PDGFRL: variants seen among roughly 807,000 people sequenced by gnomAD.
PDGFRL encodes platelet derived growth factor receptor like, also known as platelet-derived growth factor receptor-like protein.
A neutral mutation model predicts 37.2 loss-of-function variants in PDGFRL; 46 were observed. The ratio of observed to expected loss-of-function variants is 1.24; its 90% CI spans 0.98 to 1.58. PDGFRL has a LOEUF of 1.58. Among genes scored for constraint, PDGFRL ranks in the 40% most tolerant of loss-of-function variants. The probability of loss-of-function intolerance (pLI) is 0.00; values close to 1 mark genes in which losing one functional copy is unlikely to be tolerated. For synonymous variants in PDGFRL, 251 were observed against 184.3 expected (o/e 1.36, Z -2.93); for missense variants, 692 against 467.6 (o/e 1.48, Z -4.43).
At position 17,626,314 on chromosome 8, in the gene PDGFRL, A is replaced by T. The variant is rs1444032214; in HGVS notation, c.506-2173A>T. Among the ~76,000 whole-genome samples the T allele has an allele frequency of 2.0e-5, 3 of 152,238 alleles. No individual in the cohort carries two copies. The East Asian group carries it at 5.8e-4, about 29-fold the overall frequency. ...ACGTTGACAAAGGTACCCCTTACCT[A>T]AGCCTGAAAGCCAATTTCTTATGAA... On this transcript the variant is annotated intron_variant, in intron 3 of 5. Transcript: ENST00000251630.
intron 2 of PDGFRL, among the ~76,000 whole-genome samples, chr8:17,596,680 A>T (rs1804059659): frequency 1.3e-5 from 2 of 152,272 alleles, no homozygotes; most frequent in African/African-American, 4.8e-5. Context: ...CTCTTTGAAT[A>T]GTGTTCATTC....
intron 2 of PDGFRL, chr8:17,596,232 G>C: frequency 1.6e-6 from 1 of 609,796 alleles, no homozygotes; most frequent in East Asian, 3.5e-5. Context: ...ACTCTGACCG[G>C]GCTGGGGGTG....
At chr8:17,627,357 C>A (rs116299428) in intron 3 of PDGFRL, among the ~76,000 whole-genome samples, 2 of 152,198 alleles carry the variant, frequency 1.3e-5, no homozygotes, top group East Asian at 1.9e-4. Flanking sequence ...TTAAGTAATA[C>A]GTGTGTCATC....
Position 17,630,404 on chromosome 8 carries a change from C to A in PDGFRL, c.799+1624C>A, listed in dbSNP as rs547363498. ...TGCCATCCGTTCCATTGTGTTGAAT[C>A]CCCCTTTTCCTGAGGGTAGGGAGAT... On this transcript the variant is annotated intron_variant, in intron 4 of 5. Transcript: ENST00000251630. 3.9e-5 allele frequency among the ~76,000 whole-genome samples: 6 copies of A among 152,370 alleles called. No individual in the cohort carries two copies. In the South Asian group the frequency reaches 6.2e-4, roughly 16 times the overall value.
intron 4 of PDGFRL, among the ~76,000 whole-genome samples, chr8:17,632,953 A>C (rs116126416): frequency 6.6e-6 from 1 of 152,034 alleles, no homozygotes; most frequent in African/African-American, 2.4e-5. Context: ...AGACTGTTCT[A>C]TTCTGGCCTT....
At position 17,615,156 on chromosome 8, in the gene PDGFRL, T is replaced by A. The variant is rs577737578; in HGVS notation, c.354-5895T>A. Among the ~76,000 whole-genome samples the A allele has an allele frequency of 3.9e-5, 6 of 152,316 alleles. No homozygotes were observed. The South Asian group carries it at 1.2e-3, about 32-fold the overall frequency. ...TCCGTATTGCCAGTTATGAAGTCGA[T>A]GCTTAATAACTGATGGGTGTCCCAT... On this transcript the variant is annotated intron_variant, in intron 2 of 5. Coordinates refer to ENST00000251630, the MANE Select transcript of PDGFRL (RefSeq NM_001372073.1).
chr8:17,582,931 C>G (rs1357868493), intron 1 of PDGFRL, among the ~76,000 whole-genome samples: 1 of 152,160 alleles, frequency 6.6e-6, no homozygotes, highest in East Asian at 1.9e-4. Flanking sequence ...CGGGATGCTA[C>G]TGCCCCTATC....
At chr8:17,590,615 G>C (rs903889849) in intron 2 of PDGFRL, among the ~76,000 whole-genome samples, 1 of 151,880 alleles carries the variant, frequency 6.6e-6, no homozygotes, top group African/African-American at 2.4e-5. Flanking sequence ...GCAGAGCTGA[G>C]GCAGAAGAGT....
intron 4 of PDGFRL, among the ~76,000 whole-genome samples, chr8:17,633,848 C>T (rs1407008389): frequency 6.6e-6 from 1 of 152,158 alleles, no homozygotes; most frequent in Non-Finnish European, 1.5e-5. Context: ...TGGAGGCTGT[C>T]CTGGGAGTCC....
At chr8:17,630,216 C>G (rs189518280) in intron 4 of PDGFRL, among the ~76,000 whole-genome samples, 1 of 152,298 alleles carries the variant, frequency 6.6e-6, no homozygotes, top group South Asian at 2.1e-4. Flanking sequence ...CTCAAATTCC[C>G]GCCTCATTCT....
At chr8:17,613,531 G>T (rs1470602935) in intron 2 of PDGFRL, among the ~76,000 whole-genome samples, 1 of 152,168 alleles carries the variant, frequency 6.6e-6, no homozygotes, top group Non-Finnish European at 1.5e-5. Context: ...GATGTAGCGT[G>T]TGCAGTCTCC....
At chr8:17,610,587 C>G (rs1300412759) in intron 2 of PDGFRL, among the ~76,000 whole-genome samples, 1 of 152,112 alleles carries the variant, frequency 6.6e-6, no homozygotes, top group East Asian at 1.9e-4. Context: ...GTTATATGGT[C>G]ACAAAGTTTG....
At position 17,590,236 on chromosome 8, in the gene PDGFRL, C is replaced by CAAAAAAAAAAA. The variant is rs770779669; in HGVS notation, c.353+481_353+491dup. On this transcript the variant is annotated intron_variant, in intron 2 of 5. Coordinates refer to ENST00000251630, the MANE Select transcript of PDGFRL (RefSeq NM_001372073.1). ...GGTGACAGAGAGCGAGACTCCATCT[C>CAAAAAAAAAAA]AAAAAAAAAAAAAAAAAAAATTGCA... Among the ~76,000 whole-genome samples, 67 of 35,608 alleles carry CAAAAAAAAAAA rather than the reference C, an allele frequency of 1.9e-3. 4 individuals are homozygous for CAAAAAAAAAAA. The East Asian group carries it at 0.023, about 12-fold the overall frequency. 23.4% of individuals were successfully genotyped at this position (35,608 alleles called of 152,430 possible).
chr8:17,605,491 G>C (rs901179231), intron 2 of PDGFRL, among the ~76,000 whole-genome samples: 1 of 152,184 alleles, frequency 6.6e-6, no homozygotes, highest in Non-Finnish European at 1.5e-5. Flanking sequence ...CACACATTTT[G>C]TTTCTTGAAT....
At chr8:17,580,725 C>A (rs1032622111) in intron 1 of PDGFRL, among the ~76,000 whole-genome samples, 1 of 152,134 alleles carries the variant, frequency 6.6e-6, no homozygotes, top group Non-Finnish European at 1.5e-5. Context: ...GCTTTAAAAC[C>A]GCAGAAGTTT....
In PDGFRL at chr8:17,590,943, T is replaced by C. The variant is rs914073658; in HGVS notation, c.353+1178T>C. 5.4e-4 allele frequency among the ~76,000 whole-genome samples: 81 copies of C among 149,052 alleles called. 1 individual carries two copies. Among genetic ancestry groups the C allele is most frequent in the African/African-American group, 1.8e-3 (72 of 40,842 alleles). Reference sequence around the variant, plus strand: ...TGTCCCACAGGTTGGAGTGCAGTGGTGCCATCTTGGCTCACTACAAGCTCC... The same window carrying C: ...TGTCCCACAGGTTGGAGTGCAGTGGCGCCATCTTGGCTCACTACAAGCTCC... On this transcript the variant is annotated intron_variant, in intron 2 of 5. Coordinates refer to ENST00000251630, the MANE Select transcript of PDGFRL (RefSeq NM_001372073.1).
chr8:17,578,620 G>T (rs1158628614), intron 1 of PDGFRL, among the ~76,000 whole-genome samples: 1 of 152,160 alleles, frequency 6.6e-6, no homozygotes, highest in Non-Finnish European at 1.5e-5. Flanking sequence ...TTTGAATAGG[G>T]CAGGAGATGG....
chr8:17,603,730 G>T (rs1804213221), intron 2 of PDGFRL, among the ~76,000 whole-genome samples: 1 of 152,090 alleles, frequency 6.6e-6, no homozygotes, highest in Non-Finnish European at 1.5e-5. Context: ...ATATCCCATA[G>T]ATCTTTTAAT....
At chr8:17,586,127 AT>A (rs891604612) in intron 1 of PDGFRL, among the ~76,000 whole-genome samples, 39 of 147,898 alleles carry the variant, frequency 2.6e-4, no homozygotes, top group Non-Finnish European at 5.6e-4. Context: ...ACTTTTTTGT[AT>A]TTTTTGGAAG....
Sources: gnomAD v4.1 joint callset for allele counts (sites outside exome capture counted in the v4.1 genomes callset) on GRCh38, gnomAD v4.1.1 for gene constraint, MANE v1.5 for transcripts, NCBI Gene and HGNC (gene_info 2026-07-23, HGNC 2026-07-21) for gene names.